Variants in CACHD1 observed in about 807,000 individuals in gnomAD.
The protein encoded by CACHD1 is VWFA and cache domain-containing protein 1.
Under a neutral mutation model 138.7 loss-of-function variants are expected in CACHD1, and 71 were observed. The observed-to-expected ratio is 0.51, with a 90% CI of 0.42 to 0.62. CACHD1 has a LOEUF of 0.62. Among genes scored for constraint, CACHD1 ranks in the 20% least tolerant of loss-of-function variants. The pLI, the probability that CACHD1 is intolerant of heterozygous loss-of-function variation, is 0.00. For synonymous variants in CACHD1, 578 were observed against 591.5 expected, an observed-to-expected ratio of 0.98 and a Z score of 0.33; for missense variants, 1,389 against 1,625.3, an observed-to-expected ratio of 0.85 and a Z score of 2.50.
chr1:64,590,226 G>A (rs1389336511), intron 3 of CACHD1, among the ~76,000 whole-genome samples: 1 of 151,800 alleles, frequency 6.6e-6, no homozygotes, highest in Admixed American at 6.6e-5. Flanking sequence ...GGAGGCTGAG[G>A]CAGGAGAATG....
At chr1:64,634,470 A>G (rs1364886779) in intron 7 of CACHD1, among the ~76,000 whole-genome samples, 2 of 151,688 alleles carry the variant, frequency 1.3e-5, no homozygotes, top group Non-Finnish European at 2.9e-5. Flanking sequence ...TCCAGCCTTG[A>G]CTTCCTGGGC....
chr1:64,599,473 C>T (rs1446269063), intron 3 of CACHD1, among the ~76,000 whole-genome samples: 1 of 152,002 alleles, frequency 6.6e-6, no homozygotes, highest in African/African-American at 2.4e-5. Context: ...GTGGAGTGGA[C>T]ACTGGAGAGC....
chr1:64,674,624 A>T (rs917304314), intron 19 of CACHD1, among the ~76,000 whole-genome samples: 1 of 152,156 alleles, frequency 6.6e-6, no homozygotes, highest in Non-Finnish European at 1.5e-5. Context: ...GACCTCTAAA[A>T]ACCCATTGAG....
rs1646636279 is a variant in CACHD1, at chr1:64,536,842, C to T, written c.199-13752C>T. ...CAGATGCTGTCTTAGCTGGTCATGC[C>T]ATTTAATTTGAAGAGCAAACCTAAT... On this transcript the variant is annotated intron_variant, in intron 1 of 26. Transcript: ENST00000651257. Among the ~76,000 whole-genome samples, 3 of 152,214 alleles carry T rather than the reference C, an allele frequency of 2.0e-5. No individual in the cohort carries two copies. In the South Asian group the frequency reaches 6.2e-4, roughly 32 times the overall value.
At chr1:64,681,881 A>T in intron 25 of CACHD1, 124 bp from the exon 26 acceptor site, 1 of 808,388 alleles carries the variant, frequency 1.2e-6, no homozygotes, top group Non-Finnish European at 2.0e-6. Context: ...TTAAAAAATG[A>T]TTTATTCTGG....
At chr1:64,625,904 A>G (rs1344790489) in intron 4 of CACHD1, among the ~76,000 whole-genome samples, 1 of 152,236 alleles carries the variant, frequency 6.6e-6, no homozygotes, top group Non-Finnish European at 1.5e-5. Flanking sequence ...ATGTGGGAGC[A>G]TTAGCACAAA....
At chr1:64,662,629 T>C (rs573051634) in intron 13 of CACHD1, among the ~76,000 whole-genome samples, 63 of 152,320 alleles carry the variant, frequency 4.1e-4, no homozygotes, top group Admixed American at 1.4e-3. Flanking sequence ...ATAGGACACA[T>C]GATCATGCTT....
In CACHD1 at chr1:64,675,686, T is replaced by C. The variant is rs1649962255; in HGVS notation, c.2888+125T>C. The C allele has an allele frequency of 8.2e-6, 10 of 1,215,038 alleles. No individual in the cohort carries two copies. The East Asian group carries it at 2.4e-4, about 29-fold the overall frequency. The allele number at this position is 1,215,038 out of a possible 1,614,324, so 75.3% of individuals were successfully genotyped here. On this transcript the variant is annotated intron_variant, in intron 20 of 26. Transcript: ENST00000651257. ...GTGTGTCCTGAAGAAAAGTCACAGTTACAAAGCCACTTAGAGCTGTGCCGT... is the reference window on the plus strand; with the variant it reads ...GTGTGTCCTGAAGAAAAGTCACAGTCACAAAGCCACTTAGAGCTGTGCCGT...
At chr1:64,559,243 C>T (rs906169889) in intron 2 of CACHD1, among the ~76,000 whole-genome samples, 2 of 152,198 alleles carry the variant, frequency 1.3e-5, no homozygotes, top group African/African-American at 4.8e-5. Context: ...TTGGAATCAA[C>T]CTAAATGCCC....
intron 24 of CACHD1, among the ~76,000 whole-genome samples, chr1:64,680,452 C>T (rs541793563): frequency 6.6e-6 from 1 of 151,836 alleles, no homozygotes; most frequent in South Asian, 2.1e-4. Flanking sequence ...CGCGCCATTG[C>T]ATTCCATTCT....
chr1:64,504,794 C>T (rs534230977), intron 1 of CACHD1, among the ~76,000 whole-genome samples: 62 of 152,064 alleles, frequency 4.1e-4, no homozygotes, highest in Non-Finnish European at 7.6e-4. Flanking sequence ...AGGCCTGGGA[C>T]CTCCCTGCAA....
rs142316468 is a variant in CACHD1 at position 64,535,003 on chromosome 1, G to A, written c.199-15591G>A. On this transcript the variant is annotated intron_variant, in intron 1 of 26. Coordinates refer to ENST00000651257, the MANE Select transcript of CACHD1 (RefSeq NM_020925.4). ...CCTTAGTTTCCTCATTTGTAGAACA[G>A]GGATACCAGTAGATACTTTTCAGGT... Among the ~76,000 whole-genome samples the A allele has an allele frequency of 2.9e-3, 444 of 152,324 alleles. 2 individuals carry two copies. The highest frequency in any genetic ancestry group is 8.8e-3 in the African/African-American group (366 of 41,574).
chr1:64,583,397 C>A (rs1647027386), intron 3 of CACHD1, among the ~76,000 whole-genome samples: 1 of 152,106 alleles, frequency 6.6e-6, no homozygotes, highest in Non-Finnish European at 1.5e-5. Flanking sequence ...CACTCAATAC[C>A]CACATGGTCT....
chr1:64,643,063 A>AAAAAAAAAAAAAAAAAAAC (rs1648778950), intron 8 of CACHD1, among the ~76,000 whole-genome samples: 1 of 145,518 alleles, frequency 6.9e-6, no homozygotes, highest in Non-Finnish European at 1.5e-5. Flanking sequence ...AAAAAAAAAA[A>AAAAAAAAAAAAAAAAAAAC]AAAAAAAAGC....
intron 1 of CACHD1, among the ~76,000 whole-genome samples, chr1:64,499,914 C>T (rs1046026400): frequency 2.0e-5 from 3 of 152,202 alleles, no homozygotes; most frequent in Admixed American, 6.5e-5. Flanking sequence ...TCATACTTCA[C>T]TGCCCTGTCC....
chr1:64,681,541 G>GGTTTTTTTTTGTTTTTTTTTTT (rs1553146851), intron 25 of CACHD1, among the ~76,000 whole-genome samples: 13 of 68,128 alleles, frequency 1.9e-4, no homozygotes, highest in East Asian at 1.2e-3. Context: ...ATTTTATTGT[G>GGTTTTTTTTTGTTTTTTTTTTT]TTTTTTTTTT....
In CACHD1 at chr1:64,570,872, G is replaced by A. The variant is rs111515490; in HGVS notation, c.262-11284G>A. ...CCTCACTAAGTTGTGGGGGGCGGGCGGGGGTGAGGGTGCTGTTACTGTTGG... is the reference window on the plus strand; with the variant it reads ...CCTCACTAAGTTGTGGGGGGCGGGCAGGGGTGAGGGTGCTGTTACTGTTGG... On this transcript the variant is annotated intron_variant, in intron 2 of 26. Transcript: ENST00000651257. 4.8e-3 allele frequency among the ~76,000 whole-genome samples: 724 copies of A among 152,032 alleles called. 7 individuals carry two copies. Among genetic ancestry groups the A allele is most frequent in the African/African-American group, 0.016 (675 of 41,460 alleles).
At chr1:64,568,093 A>G (rs373869145) in intron 2 of CACHD1, among the ~76,000 whole-genome samples, 7 of 152,228 alleles carry the variant, frequency 4.6e-5, no homozygotes, top group African/African-American at 1.7e-4. Flanking sequence ...TTATTCCATT[A>G]TTAACATAAC....
At chr1:64,652,132 T>G (rs1210338703) in intron 9 of CACHD1, 29 bp from the exon 10 acceptor site, 1 of 1,580,054 alleles carries the variant, frequency 6.3e-7, no homozygotes, top group Non-Finnish European at 8.6e-7. Flanking sequence ...TCTGCTGGTC[T>G]TTAGATTTAT....
Sources: allele counts gnomAD v4.1 joint callset (sites outside exome capture counted in the v4.1 genomes callset), GRCh38; gene constraint gnomAD v4.1.1; transcripts MANE v1.5; gene names NCBI Gene and HGNC (gene_info 2026-07-23, HGNC 2026-07-21).